Variants in MUTYH observed in about 807,000 individuals in gnomAD.
MUTYH encodes the protein mutY DNA glycosylase.
A neutral mutation model predicts 72.9 loss-of-function variants in MUTYH; 64 were observed. The observed-to-expected ratio is 0.88, with a 90% CI of 0.72 to 1.08. The LOEUF (loss-of-function observed/expected upper bound fraction) is 1.08, where lower values mean the gene tolerates loss of function less well. Among genes scored for constraint, MUTYH ranks in the 50% least tolerant of loss-of-function variants. The probability of loss-of-function intolerance (pLI) is 0.00; values close to 1 mark genes in which losing one functional copy is unlikely to be tolerated. For missense variants in MUTYH, 633 were observed against 671.0 expected (o/e 0.94, Z 0.63); for synonymous variants, 234 against 263.1 (o/e 0.89, Z 1.07).
intron 15 of MUTYH, 97 bp downstream of exon 15, chr1:45,330,419 T>A (rs1217732159): frequency 2.4e-5 from 31 of 1,315,074 alleles, no homozygotes; most frequent in Non-Finnish European, 3.3e-5. Flanking sequence ...AAGCCTGGAG[T>A]GGAGAATGTT....
At position 45,330,533 on chromosome 1, in the gene MUTYH, G is replaced by A. The variant is rs932830392; in HGVS notation, c.1417C>T (p.Gln473Ter). 6.2e-7 allele frequency: 1 copy of A among 1,609,934 alleles called. No homozygotes were observed. Residue 473 changes from glutamine to a stop codon, truncating the protein, a stop_gained, in exon 15 of 16, where the codon CAG (glutamine) becomes TAG (stop). Coordinates refer to ENST00000456914, the MANE Select transcript of MUTYH (RefSeq NM_001048174.2). LOFTEE classifies it low-confidence loss of function (END_TRUNC). ...AGACTTACCATACAGGTCCCTGGCT[G>A]TTGGCCCTGATACACACGGAAAACC... ...KKVFRVYQGQ[Q>*]PGTCMGSKRS...
Position 45,333,293 on chromosome 1 carries a change from GC to G in MUTYH, c.295del (p.Ala99HisfsTer19), listed in dbSNP as rs749779389. 2 of 1,614,218 alleles carry G rather than the reference GC, an allele frequency of 1.2e-6. No homozygotes were observed. Among genetic ancestry groups the G allele is most frequent in the South Asian group, 1.1e-5 (1 of 91,088 alleles). The part of the protein sequence containing the change: ...AEDEMDLDRR[A>X]YAVWVSEVML... ...TCAGGAGATGTACTGACCAGCATATGCCCGCCTGTCCAGGTCCATCTCATCT... is the reference window on the plus strand; with the variant it reads ...TCAGGAGATGTACTGACCAGCATATGCCGCCTGTCCAGGTCCATCTCATCT... On this transcript the variant is annotated frameshift_variant, in exon 4 of 16. Transcript: ENST00000456914. LOFTEE classifies it high-confidence loss of function.
chr1:45,340,378 C>T (rs1646846926), upstream of MUTYH: 1 of 1,554,520 alleles, frequency 6.4e-7, no homozygotes, highest in Non-Finnish European at 8.7e-7. Flanking sequence ...GCTCATAGTT[C>T]TAGAGGCTCC....
upstream of MUTYH, chr1:45,340,144 G>T (rs3219467): frequency 3.2e-6 from 5 of 1,584,650 alleles, no homozygotes; most frequent in Admixed American, 3.6e-5. Flanking sequence ...ACCCATCGGC[G>T]ACCCGACGGC....
chr1:45,337,446 G>A (rs561981183), intron 1 of MUTYH, among the ~76,000 whole-genome samples: 134 of 152,038 alleles, frequency 8.8e-4, no homozygotes, highest in Middle Eastern at 3.4e-3. Context: ...CATGAGCCAC[G>A]GCGCCTGGTG....
rs2149161607 is a variant in MUTYH at position 45,332,954 on chromosome 1, C to T, written c.384G>A (p.Trp128Ter). The T allele has an allele frequency of 6.2e-7, 1 of 1,614,070 alleles. No individual in the cohort carries two copies. Among genetic ancestry groups the T allele is most frequent in the Admixed American group, 1.7e-5 (1 of 60,024 alleles). ...INYYTGWMQK[W>*]PTLQDLASAS... ...CACTGGCCAGGTCCTGCAGTGTAGG[C>T]CACTTCTATAGCCACAGGCAGGCAG... The change falls in exon 6 of 16, where the codon TGG becomes TGA. Residue 128 changes from tryptophan to a stop codon, truncating the protein, a stop_gained. Transcript: ENST00000456914. LOFTEE classifies it high-confidence loss of function.
chr1:45,334,441 C>T lies in MUTYH; in HGVS notation c.65G>A (p.Arg22Lys), dbSNP rs1376695165. 1 of 1,614,198 alleles carries T rather than the reference C, an allele frequency of 6.2e-7. No individual in the cohort carries two copies. The highest frequency in any genetic ancestry group is 1.3e-5 in the African/African-American group (1 of 75,036). ...HRKQAASQEG[R>K]QKHAKNNSQA... ...ACTGTTGTTCTTAGCATGCTTCTGC[C>T]TCCCTTCCTGGCTGGCTGCCTGCTT... The change falls in exon 2 of 16, where the codon AGG becomes AAG. Residue 22 changes from arginine to lysine, a missense_variant. By Grantham distance (26) the Arg-to-Lys change is conservative. Transcript: ENST00000456914.
In MUTYH at chr1:45,334,514, G is replaced by T. The variant is rs1196822993; in HGVS notation, c.-6-3C>A. The T allele has an allele frequency of 6.2e-7, 1 of 1,613,876 alleles. No homozygotes were observed. The highest frequency in any genetic ancestry group is 8.5e-7 in the Non-Finnish European group (1 of 1,179,950). On this transcript the variant is annotated splice_polypyrimidine_tract_variant and splice_region_variant and intron_variant, in intron 1 of 15. Transcript: ENST00000456914. ...GCTCGTGGCTTCCTCATGATGGCCT[G>T]AAACAAAAAGACCCAGCCAAAGCAG...
chr1:45,333,726 G>C, intron 2 of MUTYH, 165 bp from the exon 3 acceptor site: 1 of 1,070,278 alleles, frequency 9.3e-7, no homozygotes, highest in Non-Finnish European at 1.3e-6. Flanking sequence ...ATTGTGTGTA[G>C]CTGTGGCTAA....
Position 45,332,759 on chromosome 1 carries a change from T to C in MUTYH, c.492+4A>G, listed in dbSNP as rs1064796369. ...GGGTTCCTACCCTCCTGCCATCCCC[T>C]TACCTTCCGAGCTCCCTCCTGCAGC... On this transcript the variant is annotated splice_donor_region_variant and intron_variant, in intron 7 of 15. Coordinates refer to ENST00000456914, the MANE Select transcript of MUTYH (RefSeq NM_001048174.2). The C allele has an allele frequency of 1.2e-6, 2 of 1,614,124 alleles. No homozygotes were observed. Among genetic ancestry groups the C allele is most frequent in the South Asian group, 2.2e-5 (2 of 91,080 alleles).
chr1:45,329,487 A>G, intron 15 of MUTYH, 50 bp from the exon 16 acceptor site: 1 of 1,608,068 alleles, frequency 6.2e-7, no homozygotes, highest in South Asian at 1.1e-5. Context: ...GAGGGGGAGC[A>G]GAGAATCCTC....
At chr1:45,334,558 A>G (rs1310521092) in intron 1 of MUTYH, 47 bp from the exon 2 acceptor site, 1 of 1,613,174 alleles carries the variant, frequency 6.2e-7, no homozygotes, top group Admixed American at 1.7e-5. Context: ...AATGAGGCCA[A>G]ATTTTGAGGC....
At chr1:45,331,891 C>A (rs1557466812) in intron 11 of MUTYH, 42 bp from the exon 12 acceptor site, 3 of 1,605,198 alleles carry the variant, frequency 1.9e-6, no homozygotes, top group Non-Finnish European at 2.6e-6. Flanking sequence ...GCCAAGAGGG[C>A]TTTAGGGGCC....
upstream of MUTYH, chr1:45,340,111 C>A (rs1646780275): frequency 6.4e-7 from 1 of 1,557,930 alleles, no homozygotes; most frequent in African/African-American, 1.4e-5. Context: ...GCGCCGGACC[C>A]GGGACGTCTG....
rs1553127467 is a variant in MUTYH, at chr1:45,332,104, G to A, written c.850-18C>T. On this transcript the variant is annotated intron_variant, in intron 10 of 15. Transcript: ENST00000456914. ...TGCTCCACCTGAGAGGCACAGGGTT[G>A]AGTGTCATAGGGCAGAGTCACTCCT... 1 of 1,614,080 alleles carries A rather than the reference G, an allele frequency of 6.2e-7. No homozygotes were observed. The highest frequency in any genetic ancestry group is 1.3e-5 in the African/African-American group (1 of 74,924).
rs529425621 is a variant in MUTYH, at chr1:45,339,932, G to A, written c.-40C>T. 25 of 1,458,448 alleles carry A rather than the reference G, an allele frequency of 1.7e-5. No individual in the cohort carries two copies. The highest frequency in any genetic ancestry group is 1.2e-4 in the East Asian group (4 of 32,828). The allele number at this position is 1,458,448 out of a possible 1,614,324, so 90.3% of individuals were successfully genotyped here. On this transcript the variant is annotated 5_prime_UTR_variant, in exon 1 of 16. Coordinates refer to ENST00000456914, the MANE Select transcript of MUTYH (RefSeq NM_001048174.2). ...CACGCTGATGAAGACAGCAGAACAC[G>A]GAGGCCCCGCGTTCCCGCCGCGAGA... is the stretch of plus-strand genomic sequence containing the variant.
intron 1 of MUTYH, among the ~76,000 whole-genome samples, chr1:45,335,354 C>A (rs1275796655): frequency 2.0e-5 from 3 of 152,100 alleles, no homozygotes; most frequent in Non-Finnish European, 4.4e-5. Context: ...CATTCTTATA[C>A]TGTGATAAAA....
In MUTYH at chr1:45,329,441, T is replaced by C. The variant is rs1644384575; in HGVS notation, c.1435-4A>G. 1 of 1,613,204 alleles carries C rather than the reference T, an allele frequency of 6.2e-7. No individual in the cohort carries two copies. Among genetic ancestry groups the C allele is most frequent in the African/African-American group, 1.3e-5 (1 of 74,838 alleles). ...ACACCTGGGACCTTTTGGAACCCTG[T>C]GAAAAAATGGAAGGAGGGAGGCCTT... is the stretch of plus-strand genomic sequence containing the variant. On this transcript the variant is annotated splice_region_variant and splice_polypyrimidine_tract_variant and intron_variant, in intron 15 of 15. Transcript: ENST00000456914.
In MUTYH at chr1:45,332,798, AAT is replaced by A; in HGVS notation, c.455_456del (p.Tyr152PhefsTer72). 1.9e-6 allele frequency: 3 copies of A among 1,614,082 alleles called. No homozygotes were observed. The highest frequency in any genetic ancestry group is 2.5e-6 in the Non-Finnish European group (3 of 1,179,996). Reference sequence around the variant, plus strand: ...CCCTCCTGCAGCCGCCGGCCACGAGAATAGTAGCCCAGGCCAGCCCAGAGTTG... The same window carrying A: ...CCCTCCTGCAGCCGCCGGCCACGAGAAGTAGCCCAGGCCAGCCCAGAGTTG... ...VNQLWAGLGY[Y>X]SRGRRLQEGA... On this transcript the variant is annotated frameshift_variant, in exon 7 of 16. Coordinates refer to ENST00000456914, the MANE Select transcript of MUTYH (RefSeq NM_001048174.2). LOFTEE classifies it high-confidence loss of function.
Sources: gnomAD v4.1 joint callset for allele counts (sites outside exome capture counted in the v4.1 genomes callset) on GRCh38, gnomAD v4.1.1 for gene constraint, MANE v1.5 for transcripts, NCBI Gene and HGNC (gene_info 2026-07-23, HGNC 2026-07-21) for gene names.